COL8A1: variants seen among roughly 807,000 people sequenced by gnomAD.
The protein encoded by COL8A1 is collagen alpha-1(VIII) chain.
In COL8A1, 21 loss-of-function variants were observed where a neutral mutation model predicts 42.7. That is an observed-to-expected ratio of 0.49 (90% confidence interval 0.35 to 0.71). The LOEUF (loss-of-function observed/expected upper bound fraction) is 0.71, where lower values mean the gene tolerates loss of function less well. Ranked by LOEUF, COL8A1 falls within the 30% of genes least tolerant of loss-of-function variation. The probability of loss-of-function intolerance (pLI) is 0.01; values close to 1 mark genes in which losing one functional copy is unlikely to be tolerated. For missense variants in COL8A1, 788 were observed against 962.4 expected, an observed-to-expected ratio of 0.82 and a Z score of 2.40; for synonymous variants, 367 against 369.1, an observed-to-expected ratio of 0.99 and a Z score of 0.06.
At chr3:99,715,616 C>T (rs1335577945) in intron 1 of COL8A1, among the ~76,000 whole-genome samples, 3 of 152,020 alleles carry the variant, frequency 2.0e-5, no homozygotes, top group Non-Finnish European at 4.4e-5. Context: ...AGTTCCCAAC[C>T]TCCCAATCCT....
At position 99,798,179 on chromosome 3, in the gene COL8A1, G is replaced by A. The variant is rs1432635211; in HGVS notation, c.*2043G>A. 6.6e-6 allele frequency: 1 copy of A among 152,024 alleles called. No individual in the cohort carries two copies. Among genetic ancestry groups the A allele is most frequent in the Non-Finnish European group, 1.5e-5 (1 of 68,014 alleles). 9.4% of individuals were successfully genotyped at this position (152,024 alleles called of 1,614,324 possible). On this transcript the variant is annotated 3_prime_UTR_variant, in exon 4 of 4. Transcript: ENST00000652472. ...GGCCAATATCTCATTTCCCTATATA[G>A]TATACAAGCACCATTTCTTCTCAAT...
At chr3:99,730,760 T>C (rs1402294080) in intron 1 of COL8A1, among the ~76,000 whole-genome samples, 1 of 152,160 alleles carries the variant, frequency 6.6e-6, no homozygotes, top group African/African-American at 2.4e-5. Context: ...GTACAGTTTT[T>C]AAAATACTGA....
intron 1 of COL8A1, among the ~76,000 whole-genome samples, chr3:99,652,485 G>A (rs1937877511): frequency 6.6e-6 from 1 of 152,174 alleles, no homozygotes; most frequent in South Asian, 2.1e-4. Context: ...GAGTGTTGGG[G>A]CTGGAATATA....
At chr3:99,737,342 G>T (rs1379155071) in intron 1 of COL8A1, among the ~76,000 whole-genome samples, 1 of 151,746 alleles carries the variant, frequency 6.6e-6, no homozygotes, top group Non-Finnish European at 1.5e-5. Flanking sequence ...TTACATTTTG[G>T]CATGATTTTG....
At chr3:99,675,297 G>A (rs1938660565) in intron 1 of COL8A1, among the ~76,000 whole-genome samples, 1 of 151,946 alleles carries the variant, frequency 6.6e-6, no homozygotes, top group Admixed American at 6.6e-5. Flanking sequence ...TTTTGGCCAT[G>A]AGAAAAATTA....
intron 2 of COL8A1, among the ~76,000 whole-genome samples, chr3:99,781,891 A>G (rs970882011): frequency 6.6e-6 from 1 of 152,154 alleles, no homozygotes; most frequent in African/African-American, 2.4e-5. Flanking sequence ...TTTTTCTTAC[A>G]AAATTGTTGT....
At chr3:99,639,527 C>T (rs1937461468) in intron 1 of COL8A1, among the ~76,000 whole-genome samples, 1 of 152,146 alleles carries the variant, frequency 6.6e-6, no homozygotes, top group African/African-American at 2.4e-5. Flanking sequence ...TTTTTTCCCC[C>T]GCATTTAGTA....
In COL8A1 at chr3:99,687,552, C is replaced by A. The variant is rs533591225; in HGVS notation, c.-129+48888C>A. The stretch of plus-strand genomic sequence containing the variant: ...GGGCAGGAAGCTGCGGATGTGCACA[C>A]CAGAGCACCTAGGAATATATACACT... On this transcript the variant is annotated intron_variant, in intron 1 of 3. Transcript: ENST00000652472. Among the ~76,000 whole-genome samples, 115 of 152,226 alleles carry A rather than the reference C, an allele frequency of 7.6e-4. 1 individual carries two copies. Among genetic ancestry groups the A allele is most frequent in the Middle Eastern group, 6.8e-3 (2 of 294 alleles).
chr3:99,776,631 TCA>T (rs1941698399), intron 2 of COL8A1, among the ~76,000 whole-genome samples: 1 of 152,134 alleles, frequency 6.6e-6, no homozygotes, highest in African/African-American at 2.4e-5. Flanking sequence ...TTCTTGGATC[TCA>T]CACAAGAAAG....
At chr3:99,660,253 T>C (rs1938164078) in intron 1 of COL8A1, among the ~76,000 whole-genome samples, 1 of 152,204 alleles carries the variant, frequency 6.6e-6, no homozygotes, top group African/African-American at 2.4e-5. Flanking sequence ...AGGGACCTCA[T>C]ATGCCTTTAT....
intron 1 of COL8A1, among the ~76,000 whole-genome samples, chr3:99,693,951 T>C (rs1046638534): frequency 3.9e-5 from 6 of 152,188 alleles, no homozygotes; most frequent in East Asian, 1.9e-4. Context: ...AGCTTTTCTA[T>C]GTTTAGATAC....
intron 1 of COL8A1, among the ~76,000 whole-genome samples, chr3:99,666,524 T>A (rs993834298): frequency 6.6e-6 from 1 of 152,224 alleles, no homozygotes; most frequent in South Asian, 2.1e-4. Flanking sequence ...CATTCACAGT[T>A]TCACCAACTT....
chr3:99,699,316 G>A (rs1048190060), intron 1 of COL8A1, among the ~76,000 whole-genome samples: 9 of 152,108 alleles, frequency 5.9e-5, no homozygotes, highest in African/African-American at 1.4e-4. Context: ...TTTACTTTAG[G>A]TTATCTAAAA....
intron 2 of COL8A1, among the ~76,000 whole-genome samples, chr3:99,752,737 A>T (rs1941178182): frequency 6.7e-6 from 1 of 148,988 alleles, no homozygotes; most frequent in African/African-American, 2.5e-5. Context: ...CACACTCTGG[A>T]CTACAGTGAA....
intron 2 of COL8A1, among the ~76,000 whole-genome samples, chr3:99,747,539 T>A (rs1941051112): frequency 6.6e-6 from 1 of 152,206 alleles, no homozygotes. Flanking sequence ...CGGAAGGGCT[T>A]TCTTGTGGTT....
rs112052291 is a variant in COL8A1, at chr3:99,677,615, G to A, written c.-129+38951G>A. 15 of 152,206 alleles carry A rather than the reference G, an allele frequency of 9.9e-5. 1 individual carries two copies. Among genetic ancestry groups the A allele is most frequent in the South Asian group, 2.1e-4 (1 of 4,816 alleles). The allele number at this position is 152,206 out of a possible 1,614,324, so 9.4% of individuals were successfully genotyped here. ...ACATGAAAATATACAAAGTGTTTAC[G>A]GAAGCAATTTTGAACTAATAGAGAA... On this transcript the variant is annotated intron_variant, in intron 1 of 3. Transcript: ENST00000652472.
At chr3:99,783,354 A>G (rs1251386799) in intron 2 of COL8A1, among the ~76,000 whole-genome samples, 1 of 152,180 alleles carries the variant, frequency 6.6e-6, no homozygotes, top group Non-Finnish European at 1.5e-5. Flanking sequence ...GTACATGGGG[A>G]TGATTGGCTG....
intron 2 of COL8A1, among the ~76,000 whole-genome samples, chr3:99,783,919 G>A (rs1941843099): frequency 1.3e-5 from 2 of 152,160 alleles, no homozygotes; most frequent in Non-Finnish European, 2.9e-5. Flanking sequence ...GGGCCACAGA[G>A]CCAAACTATA....
chr3:99,678,723 ATAGTTACTAG>A (rs1375924037), intron 1 of COL8A1: 2 of 152,162 alleles, frequency 1.3e-5, no homozygotes, highest in African/African-American at 4.8e-5. Context: ...GGTGTTACTA[ATAGTTACTAG>A]TAGTTACAAA....
Sources: allele counts gnomAD v4.1 joint callset (sites outside exome capture counted in the v4.1 genomes callset), GRCh38; gene constraint gnomAD v4.1.1; transcripts MANE v1.5; gene names NCBI Gene and HGNC (gene_info 2026-07-23, HGNC 2026-07-21).